GLG1: variants seen among roughly 807,000 people sequenced by gnomAD.
GLG1 encodes the protein Golgi apparatus protein 1.
In GLG1, 38 loss-of-function variants were observed where a neutral mutation model predicts 160.5. That is an observed-to-expected ratio of 0.24 (90% CI 0.18 to 0.31). The LOEUF (loss-of-function observed/expected upper bound fraction) is 0.31, where lower values mean the gene tolerates loss of function less well. Among genes scored for constraint, GLG1 ranks in the 10% least tolerant of loss-of-function variants. The pLI is 1.00. For synonymous variants in GLG1, 644 were observed against 543.4 expected, an observed-to-expected ratio of 1.19 and a Z score of -2.57; for missense variants, 1,373 against 1,505.2, an observed-to-expected ratio of 0.91 and a Z score of 1.45.
At chr16:74,546,315 T>C (rs2018044558) in intron 1 of GLG1, among the ~76,000 whole-genome samples, 1 of 152,070 alleles carries the variant, frequency 6.6e-6, no homozygotes. Context: ...GGCATGTGCC[T>C]GTAGTCCCAG....
chr16:74,474,552 T>A lies in GLG1; in HGVS notation c.2046A>T (p.Glu682Asp), dbSNP rs770513037. The A allele has an allele frequency of 1.3e-6, 2 of 1,485,500 alleles. No individual in the cohort carries two copies. The highest frequency in any genetic ancestry group is 1.9e-6 in the Non-Finnish European group (2 of 1,062,636). 92.0% of individuals were successfully genotyped at this position (1,485,500 alleles called of 1,614,324 possible). ...TAAGCTGCATACCACTTACCTCTGATTCTAACTCAGTGAGGTTGCCAACTA... is the reference window on the plus strand; with the variant it reads ...TAAGCTGCATACCACTTACCTCTGAATCTAACTCAGTGAGGTTGCCAACTA... ...RDIVGNLTEL[E>D]SEDIQIEALL... is the part of the protein sequence containing the mutation. The change falls in exon 13 of 26, where the codon GAA becomes GAT. Residue 682 changes from glutamate to aspartate, a missense_variant. By Grantham distance (45) the Glu-to-Asp change is conservative. This residue lies in a region of GLG1 where 386 missense variants were observed against 388.5 expected (regional missense o/e 0.99). Coordinates refer to ENST00000422840, the MANE Select transcript of GLG1 (RefSeq NM_001145667.2).
At chr16:74,549,635 C>T (rs963477627) in intron 1 of GLG1, among the ~76,000 whole-genome samples, 30 of 152,124 alleles carry the variant, frequency 2.0e-4, no homozygotes, top group Middle Eastern at 6.8e-3. Flanking sequence ...TAGCATAGCA[C>T]GTTCAATATT....
chr16:74,512,043 T>C (rs763418591), intron 2 of GLG1, among the ~76,000 whole-genome samples: 3 of 152,120 alleles, frequency 2.0e-5, no homozygotes, highest in Non-Finnish European at 2.9e-5. Context: ...ACAACCACCA[T>C]TGCCTAATTA....
intron 4 of GLG1, among the ~76,000 whole-genome samples, chr16:74,502,190 G>A (rs2016430111): frequency 6.6e-6 from 1 of 152,318 alleles, no homozygotes; most frequent in East Asian, 1.9e-4. Context: ...GCAACTAATA[G>A]GTGATGCCAC....
At chr16:74,597,845 C>A (rs1958342104) in intron 1 of GLG1, among the ~76,000 whole-genome samples, 1 of 108,466 alleles carries the variant, frequency 9.2e-6, no homozygotes. Flanking sequence ...CAAAGTGAGA[C>A]TGCCTCAAAA....
chr16:74,567,159 T>TTG lies in GLG1; in HGVS notation c.439-35008_439-35007dup, dbSNP rs141148832. Among the ~76,000 whole-genome samples, 293 of 150,204 alleles carry TTG rather than the reference T, an allele frequency of 2.0e-3. 1 individual carries two copies. Among genetic ancestry groups the TTG allele is most frequent in the South Asian group, 0.016 (75 of 4,714 alleles). On this transcript the variant is annotated intron_variant, in intron 1 of 25. Transcript: ENST00000422840. ...AATAAAATTACATGATTACATGTAA[T>TTG]TGTGTGTGTGTGTGTTGTGTGTGGG...
At position 74,477,392 on chromosome 16, in the gene GLG1, C is replaced by G; in HGVS notation, c.1965+4G>C. 2 of 1,607,850 alleles carry G rather than the reference C, an allele frequency of 1.2e-6. No individual in the cohort carries two copies. Among genetic ancestry groups the G allele is most frequent in the Non-Finnish European group, 1.7e-6 (2 of 1,174,384 alleles). On this transcript the variant is annotated splice_donor_region_variant and intron_variant, in intron 12 of 25. Coordinates refer to ENST00000422840, the MANE Select transcript of GLG1 (RefSeq NM_001145667.2). ...TAAGACAAACAGAAAGCGATGTCAC[C>G]TACCTGTCCAGTCTCTGTTTTCTCA...
At position 74,452,809 on chromosome 16, in the gene GLG1, T is replaced by A; in HGVS notation, c.*358A>T. The A allele has an allele frequency of 9.9e-7, 1 of 1,005,694 alleles. No individual in the cohort carries two copies. The highest frequency in any genetic ancestry group is 1.7e-5 in the African/African-American group (1 of 58,098). 62.3% of individuals were successfully genotyped at this position (1,005,694 alleles called of 1,614,324 possible). A position where few individuals can be genotyped will look rare whatever the true frequency, so the allele number is the denominator to read the frequency against. ...TATACATTTTTTTCTTTAAAAAAAT[T>A]TTTTTTTTTGGTGGTTTTCTTAAAA... On this transcript the variant is annotated 3_prime_UTR_variant, in exon 26 of 26. Transcript: ENST00000422840.
chr16:74,509,163 ATTTTTTT>A (rs11295055), intron 2 of GLG1, among the ~76,000 whole-genome samples: 12 of 89,638 alleles, frequency 1.3e-4, no homozygotes, highest in Admixed American at 1.1e-3. Context: ...CTAAAGGACA[ATTTTTTT>A]TTTTTTTTTT....
intron 20 of GLG1, chr16:74,462,868 A>C: frequency 1.8e-6 from 1 of 543,716 alleles, no homozygotes; most frequent in Non-Finnish European, 3.3e-6. Flanking sequence ...GGTTTTGTGC[A>C]GACTCCAATA....
chr16:74,585,284 C>T (rs977416659), intron 1 of GLG1, among the ~76,000 whole-genome samples: 3 of 152,118 alleles, frequency 2.0e-5, no homozygotes. Flanking sequence ...TGGCACACAC[C>T]TGTAGTCCCA....
At chr16:74,570,352 T>C (rs78882983) in intron 1 of GLG1, among the ~76,000 whole-genome samples, 2 of 152,184 alleles carry the variant, frequency 1.3e-5, no homozygotes, top group African/African-American at 4.8e-5. Flanking sequence ...ATTTATCTTT[T>C]AATTCACATA....
intron 10 of GLG1, among the ~76,000 whole-genome samples, chr16:74,481,189 T>G (rs1310459987): frequency 3.3e-5 from 5 of 152,228 alleles, no homozygotes; most frequent in Non-Finnish European, 7.3e-5. Flanking sequence ...TAGTCTCCTA[T>G]TCAGTTTTCT....
Position 74,469,605 on chromosome 16 carries a change from C to T in GLG1, c.2318+380G>A, listed in dbSNP as rs776202044. On this transcript the variant is annotated intron_variant, in intron 16 of 25. Transcript: ENST00000422840. Reference sequence around the variant, plus strand: ...TCTGTTTCTTCACTAAATATCTAATCCAATACAAAAACTGCTGCATCTTAG... The same window carrying T: ...TCTGTTTCTTCACTAAATATCTAATTCAATACAAAAACTGCTGCATCTTAG... 12 of 213,738 alleles carry T rather than the reference C, an allele frequency of 5.6e-5. No individual in the cohort carries two copies. The South Asian group carries it at 9.1e-4, about 16-fold the overall frequency. The allele number at this position is 213,738 out of a possible 1,614,324, so 13.2% of individuals were successfully genotyped here.
intron 2 of GLG1, among the ~76,000 whole-genome samples, chr16:74,525,145 T>C (rs1475019344): frequency 6.6e-6 from 1 of 152,066 alleles, no homozygotes; most frequent in Non-Finnish European, 1.5e-5. Context: ...ATGTGTCAGC[T>C]CTCTTGGGTA....
intron 11 of GLG1, among the ~76,000 whole-genome samples, chr16:74,477,967 C>G (rs2015447420): frequency 3.1e-5 from 1 of 32,024 alleles, no homozygotes; most frequent in African/African-American, 1.3e-4. Context: ...GAGCGAAACT[C>G]CGTCTCAAAA....
intron 2 of GLG1, among the ~76,000 whole-genome samples, chr16:74,524,213 CA>C (rs199523934): frequency 1.3e-5 from 2 of 149,770 alleles, no homozygotes; most frequent in East Asian, 1.9e-4. Context: ...CATCTCAAAA[CA>C]AAAAAAAAGA....
chr16:74,501,259 G>T (rs1381682236), intron 4 of GLG1, among the ~76,000 whole-genome samples: 2 of 152,134 alleles, frequency 1.3e-5, no homozygotes, highest in East Asian at 3.8e-4. Context: ...AGGAAGGAAG[G>T]TGTTTTTTCA....
intron 15 of GLG1, among the ~76,000 whole-genome samples, chr16:74,470,634 G>A (rs544590526): frequency 6.6e-6 from 1 of 151,724 alleles, no homozygotes; most frequent in Non-Finnish European, 1.5e-5. Flanking sequence ...TTTTTGTAGA[G>A]ACAGGGTTTC....
Sources: allele counts gnomAD v4.1 joint callset (sites outside exome capture counted in the v4.1 genomes callset), GRCh38; gene constraint gnomAD v4.1.1; regional missense constraint gnomAD v4.1.1; transcripts MANE v1.5; gene names NCBI Gene and HGNC (gene_info 2026-07-23, HGNC 2026-07-21).